Variants in ZC3H15 observed in about 807,000 individuals in gnomAD.
The protein encoded by ZC3H15 is zinc finger CCCH-type containing 15, also known as zinc finger CCCH domain-containing protein 15.
ZC3H15 carries 15 observed loss-of-function variants against 51.2 expected under a neutral mutation model. The ratio of observed to expected loss-of-function variants is 0.29; its 90% CI spans 0.20 to 0.45. The LOEUF (loss-of-function observed/expected upper bound fraction) is 0.45. Among genes scored for constraint, ZC3H15 ranks in the 20% least tolerant of loss-of-function variants. The probability of loss-of-function intolerance (pLI) is 1.00; values close to 1 mark genes in which losing one functional copy is unlikely to be tolerated. For missense variants in ZC3H15, 381 were observed against 494.7 expected (o/e 0.77, Z 2.18); for synonymous variants, 144 against 162.8 (o/e 0.88, Z 0.88).
At chr2:186,506,888 G>C (rs771566057) in intron 9 of ZC3H15, 52 bp downstream of exon 9, 2 of 1,572,642 alleles carry the variant, frequency 1.3e-6, no homozygotes, top group Middle Eastern at 3.4e-4. Context: ...TTATCTAAAG[G>C]GGGTTATACC....
chr2:186,490,655 T>G (rs1351197714), intron 1 of ZC3H15, among the ~76,000 whole-genome samples: 1 of 152,162 alleles, frequency 6.6e-6, no homozygotes, highest in Non-Finnish European at 1.5e-5. Flanking sequence ...GGAGCACTAT[T>G]CAGTGTTGAC....
Position 186,504,216 on chromosome 2 carries a change from T to C in ZC3H15, c.717+2T>C, listed in dbSNP as rs1247495080. On this transcript the variant is annotated splice_donor_variant, in intron 6 of 9. Transcript: ENST00000337859. LOFTEE classifies it high-confidence loss of function. ...TTAGAAGATCTAATTGAGAGAGAGG[T>C]AACTGGTATCCTTTTCCTACCATAA... 634 of 1,031,236 alleles carry C rather than the reference T, an allele frequency of 6.1e-4. No individual in the cohort carries two copies. Among genetic ancestry groups the C allele is most frequent in the Non-Finnish European group, 8.1e-4 (568 of 700,658 alleles). 63.9% of individuals were successfully genotyped at this position (1,031,236 alleles called of 1,614,324 possible). A position where few individuals can be genotyped will look rare whatever the true frequency, so the allele number is the denominator to read the frequency against.
chr2:186,486,374 G>C lies in ZC3H15; in HGVS notation c.-9G>C. 1.3e-6 allele frequency: 2 copies of C among 1,536,318 alleles called. No homozygotes were observed. Among genetic ancestry groups the C allele is most frequent in the Non-Finnish European group, 8.8e-7 (1 of 1,137,514 alleles). The stretch of plus-strand genomic sequence containing the variant: ...CGCGTAAGTCTGGCCGGTGCCATCT[G>C]TCTCCGCAATGCCCCCCAAGAAACA... On this transcript the variant is annotated 5_prime_UTR_variant, in exon 1 of 10. Coordinates refer to ENST00000337859, the MANE Select transcript of ZC3H15 (RefSeq NM_018471.3).
At chr2:186,486,502 A>AAGCCACTTCCCCGCTCCGGGC (rs1167836771) in intron 1 of ZC3H15, 45 bp downstream of exon 1, 3 of 1,510,924 alleles carry the variant, frequency 2.0e-6, no homozygotes, top group African/African-American at 1.4e-5. Flanking sequence ...GCCCTCCGGA[A>AAGCCACTTCCCCGCTCCGGGC]AGCCACTTCC....
At chr2:186,507,780 A>G (rs1293721019) in intron 9 of ZC3H15, among the ~76,000 whole-genome samples, 1 of 152,210 alleles carries the variant, frequency 6.6e-6, no homozygotes, top group Non-Finnish European at 1.5e-5. Context: ...CCAAGATCTG[A>G]GAGTGTTAGC....
rs769653283 is a variant in ZC3H15, at chr2:186,500,238, G to A, written c.234G>A (p.Leu78=). The A allele has an allele frequency of 1.6e-5, 26 of 1,613,644 alleles. No individual in the cohort carries two copies. In the South Asian group the frequency reaches 1.9e-4, roughly 12 times the overall value. Residue 78 remains leucine (L), a synonymous_variant, in exon 3 of 10, where the codon TTG becomes TTA. Transcript: ENST00000337859. ...AGAAGGATGACAAGAAGAAAGAATT[G>A]CAGGAGCTAAATGAGCTGTTCAAAC... ...KLKKDDKKKE[L]QELNELFKPV...
intron 1 of ZC3H15, among the ~76,000 whole-genome samples, chr2:186,494,227 C>G (rs1330188033): frequency 6.6e-6 from 1 of 151,944 alleles, no homozygotes; most frequent in Non-Finnish European, 1.5e-5. Context: ...ATTAATATTC[C>G]AGATTTAAAG....
At chr2:186,502,987 A>G (rs1400180383) in intron 5 of ZC3H15, among the ~76,000 whole-genome samples, 3 of 152,206 alleles carry the variant, frequency 2.0e-5, no homozygotes, top group Non-Finnish European at 4.4e-5. Context: ...AAGGTTTAAA[A>G]TATTTCTACA....
chr2:186,498,112 T>C lies in ZC3H15; in HGVS notation c.178-2070T>C, dbSNP rs557159902. On this transcript the variant is annotated intron_variant, in intron 2 of 9. Coordinates refer to ENST00000337859, the MANE Select transcript of ZC3H15 (RefSeq NM_018471.3). The stretch of plus-strand genomic sequence containing the variant: ...TCTCCACCATGCCCATCTCTGTCCA[T>C]TGTGCTACCAATATGTCTGAGGTAG... 4.6e-5 allele frequency among the ~76,000 whole-genome samples: 7 copies of C among 152,314 alleles called. No individual in the cohort carries two copies. In the South Asian group the frequency reaches 1.5e-3, roughly 32 times the overall value.
At position 186,501,473 on chromosome 2, in the gene ZC3H15, C is replaced by G. The variant is rs373302711; in HGVS notation, c.442+48C>G. ...CTTAAAAATAAATGTTGAATACTTTCGGTTTGCTACTAAGATATTTATTAA... is the reference window on the plus strand; with the variant it reads ...CTTAAAAATAAATGTTGAATACTTTGGGTTTGCTACTAAGATATTTATTAA... On this transcript the variant is annotated intron_variant, in intron 4 of 9. Coordinates refer to ENST00000337859, the MANE Select transcript of ZC3H15 (RefSeq NM_018471.3). 6 of 1,474,484 alleles carry G rather than the reference C, an allele frequency of 4.1e-6. No individual in the cohort carries two copies. In the Admixed American group the frequency reaches 7.4e-5, roughly 18 times the overall value. The allele number at this position is 1,474,484 out of a possible 1,614,324, so 91.3% of individuals were successfully genotyped here. A position where few individuals can be genotyped will look rare whatever the true frequency, so the allele number is the denominator to read the frequency against.
At chr2:186,490,904 G>A in intron 1 of ZC3H15, among the ~76,000 whole-genome samples, 1 of 152,100 alleles carries the variant, frequency 6.6e-6, no homozygotes, top group Non-Finnish European at 1.5e-5. Context: ...TTACTATCAT[G>A]TTAACTTTTG....
At chr2:186,507,864 A>C (rs1238530884) in intron 9 of ZC3H15, among the ~76,000 whole-genome samples, 5 of 152,228 alleles carry the variant, frequency 3.3e-5, no homozygotes, top group African/African-American at 9.6e-5. Flanking sequence ...AATAGGCACA[A>C]CTGCAAATAA....
chr2:186,495,219 T>C lies in ZC3H15; in HGVS notation c.76-14T>C. The C allele has an allele frequency of 6.6e-7, 1 of 1,509,696 alleles. No homozygotes were observed. The highest frequency in any genetic ancestry group is 8.9e-7 in the Non-Finnish European group (1 of 1,128,010). The allele number at this position is 1,509,696 out of a possible 1,614,324, so 93.5% of individuals were successfully genotyped here. A position where few individuals can be genotyped will look rare whatever the true frequency, so the allele number is the denominator to read the frequency against. On this transcript the variant is annotated splice_polypyrimidine_tract_variant and intron_variant, in intron 1 of 9. Transcript: ENST00000337859. The stretch of plus-strand genomic sequence containing the variant: ...ATAAATTGCTAAGATATTTCTGTGC[T>C]CTTTCTCATGTAGGACAAAACTTTC...
intron 2 of ZC3H15, among the ~76,000 whole-genome samples, chr2:186,496,345 G>A (rs1236496545): frequency 6.6e-6 from 1 of 152,170 alleles, no homozygotes; most frequent in Non-Finnish European, 1.5e-5. Flanking sequence ...ATCCTCCTAA[G>A]TAGCTGGGAC....
Position 186,495,221 on chromosome 2 carries a change from T to C in ZC3H15, c.76-12T>C. 2 of 1,519,038 alleles carry C rather than the reference T, an allele frequency of 1.3e-6. No individual in the cohort carries two copies. Among genetic ancestry groups the C allele is most frequent in the South Asian group, 2.7e-5 (2 of 73,858 alleles). 94.1% of individuals were successfully genotyped at this position (1,519,038 alleles called of 1,614,324 possible). On this transcript the variant is annotated splice_polypyrimidine_tract_variant and intron_variant, in intron 1 of 9. Coordinates refer to ENST00000337859, the MANE Select transcript of ZC3H15 (RefSeq NM_018471.3). Reference sequence around the variant, plus strand: ...AAATTGCTAAGATATTTCTGTGCTCTTTCTCATGTAGGACAAAACTTTCGG... The same window carrying C: ...AAATTGCTAAGATATTTCTGTGCTCCTTCTCATGTAGGACAAAACTTTCGG...
chr2:186,505,866 C>T (rs1362609169), intron 8 of ZC3H15, 25 bp downstream of exon 8: 1 of 1,605,966 alleles, frequency 6.2e-7, no homozygotes, highest in Non-Finnish European at 8.5e-7. Flanking sequence ...TGTGCCTCAT[C>T]TCCTTATGTT....
At chr2:186,492,290 C>T (rs1559007914) in intron 1 of ZC3H15, among the ~76,000 whole-genome samples, 1 of 152,186 alleles carries the variant, frequency 6.6e-6, no homozygotes, top group East Asian at 1.9e-4. Flanking sequence ...AGTTGCTGCA[C>T]TGTGTTCATC....
At chr2:186,508,520 C>T in intron 9 of ZC3H15, 23 bp from the exon 10 acceptor site, 1 of 1,609,774 alleles carries the variant, frequency 6.2e-7, no homozygotes, top group Non-Finnish European at 8.5e-7. Flanking sequence ...CTACGCCTTA[C>T]TGATTCCAGT....
chr2:186,500,214 G>C lies in ZC3H15; in HGVS notation c.210G>C (p.Lys70Asn). The C allele has an allele frequency of 1.2e-6, 2 of 1,613,618 alleles. No homozygotes were observed. The highest frequency in any genetic ancestry group is 1.7e-5 in the Admixed American group (1 of 59,956). ...VAQSEAEKKL[K>N]KDDKKKELQE... ...AGAGTGAAGCTGAAAAGAAATTGAAGAAGGATGACAAGAAGAAAGAATTGC... is the reference window on the plus strand; with the variant it reads ...AGAGTGAAGCTGAAAAGAAATTGAACAAGGATGACAAGAAGAAAGAATTGC... The change falls in exon 3 of 10, where the codon AAG becomes AAC. Residue 70 changes from lysine to asparagine, a missense_variant. Physicochemically the swap from Lys to Asn is moderately conservative, Grantham distance 94. Around this residue, in one of 3 missense-constraint regions of ZC3H15, gnomAD observed 125 missense variants for 166.3 expected, o/e 0.75. Transcript: ENST00000337859.
Sources: allele counts gnomAD v4.1 joint callset (sites outside exome capture counted in the v4.1 genomes callset), GRCh38; gene constraint gnomAD v4.1.1; regional missense constraint gnomAD v4.1.1; transcripts MANE v1.5; gene names NCBI Gene and HGNC (gene_info 2026-07-23, HGNC 2026-07-21).